RPH3AL: variants seen among roughly 807,000 people sequenced by gnomAD.
RPH3AL encodes rabphilin 3A like (without C2 domains).
In RPH3AL, 38 loss-of-function variants were observed where a neutral mutation model predicts 43.1. The observed-to-expected ratio is 0.88, with a 90% CI of 0.68 to 1.15. RPH3AL has a LOEUF of 1.15. RPH3AL is among the 50% of genes most tolerant of loss of function. The pLI is 0.00. For missense variants in RPH3AL, 462 were observed against 423.2 expected, an observed-to-expected ratio of 1.09 and a Z score of -0.81; for synonymous variants, 189 against 176.3, an observed-to-expected ratio of 1.07 and a Z score of -0.57.
At chr17:257,158 A>ACG (rs2042069533) in intron 6 of RPH3AL, among the ~76,000 whole-genome samples, 1 of 73,626 alleles carries the variant, frequency 1.4e-5, no homozygotes, top group Admixed American at 1.4e-4. Flanking sequence ...GTCCCTAGGA[A>ACG]TGTGACTACC....
chr17:316,327 T>G (rs376497757), intron 5 of RPH3AL, among the ~76,000 whole-genome samples: 88 of 112,596 alleles, frequency 7.8e-4, no homozygotes, highest in African/African-American at 2.8e-3. Context: ...GTCCCTGTGC[T>G]CCACCTCCAC....
At chr17:232,048 G>T (rs1597892152) in intron 7 of RPH3AL, among the ~76,000 whole-genome samples, 1 of 152,248 alleles carries the variant, frequency 6.6e-6, no homozygotes, top group Non-Finnish European at 1.5e-5. Context: ...CTGAGCTTGT[G>T]TCTGGCTTAA....
In RPH3AL at chr17:215,675, G is replaced by A. The variant is rs182695940; in HGVS notation, c.855C>T (p.Pro285=). 4.7e-4 allele frequency: 594 copies of A among 1,276,586 alleles called. 1 individual carries two copies. The African/African-American group carries it at 5.8e-3, about 13-fold the overall frequency. The allele number at this position is 1,276,586 out of a possible 1,614,324, so 79.1% of individuals were successfully genotyped here. ...GSADPPGGPR[P]GLTRRAPVKD... is the part of the protein sequence containing the mutation. ...TCACCGGGGCCCTTCGGGTCAGCCCGGGGCGGGGTCCCCCTGGCGGGTCAG... is the reference window on the plus strand; with the variant it reads ...TCACCGGGGCCCTTCGGGTCAGCCCAGGGCGGGGTCCCCCTGGCGGGTCAG... Residue 285 remains proline (P), a synonymous_variant, in exon 9 of 10, where the codon CCC becomes CCT. Coordinates refer to ENST00000331302, the MANE Select transcript of RPH3AL (RefSeq NM_006987.4). The surrounding 1 kb of genome is among the most constrained non-coding windows in gnomAD (Gnocchi z 4.1).
chr17:235,269 C>T (rs140666809), intron 7 of RPH3AL, among the ~76,000 whole-genome samples: 1,809 of 137,002 alleles, frequency 0.013, 41 homozygotes, highest in Middle Eastern at 0.043. Context: ...AAGCTGGGGT[C>T]GGCCGAGGCT....
chr17:317,754 G>A (rs1007613697), intron 5 of RPH3AL, among the ~76,000 whole-genome samples: 21 of 152,216 alleles, frequency 1.4e-4, no homozygotes, highest in Non-Finnish European at 2.8e-4. Flanking sequence ...TAATTGGGCA[G>A]GTTAACTTCA....
In RPH3AL at chr17:321,419, G is replaced by C. The variant is rs780576107; in HGVS notation, c.78-4C>G. ...CACGGACCAGCCCGTCTGCAGCCTC[G>C]AGAGGGAACAGCACAGACGGCGTGG... On this transcript the variant is annotated splice_polypyrimidine_tract_variant and splice_region_variant and intron_variant, in intron 3 of 9. Coordinates refer to ENST00000331302, the MANE Select transcript of RPH3AL (RefSeq NM_006987.4). 6.2e-7 allele frequency: 1 copy of C among 1,603,458 alleles called. No homozygotes were observed. The highest frequency in any genetic ancestry group is 1.1e-5 in the South Asian group (1 of 90,604).
In RPH3AL at chr17:235,981, T is replaced by C. The variant is rs113193320; in HGVS notation, c.613+11130A>G. Among the ~76,000 whole-genome samples the C allele has an allele frequency of 1.4e-3, 135 of 97,070 alleles. 3 individuals are homozygous for C. Among genetic ancestry groups the C allele is most frequent in the Middle Eastern group, 6.0e-3 (1 of 166 alleles). The allele number at this position is 97,070 out of a possible 152,430, so 63.7% of individuals were successfully genotyped here. On this transcript the variant is annotated intron_variant, in intron 7 of 9. Coordinates refer to ENST00000331302, the MANE Select transcript of RPH3AL (RefSeq NM_006987.4). ...TCAAAGCTGGGGTCGGCCAAGGCTC[T>C]ACACTAACAAGACGGGTCCATGGGT...
rs557050978 is a variant in RPH3AL, at chr17:277,424, A to T, written c.438+4344T>A. On this transcript the variant is annotated intron_variant, in intron 6 of 9. Coordinates refer to ENST00000331302, the MANE Select transcript of RPH3AL (RefSeq NM_006987.4). ...ATTAATTTTATAATCAGAAAAGAGT[A>T]AAATGTAGAGAGTAGATGTTAAAAA... Among the ~76,000 whole-genome samples, 11 of 152,360 alleles carry T rather than the reference A, an allele frequency of 7.2e-5. No individual in the cohort carries two copies. In the South Asian group the frequency reaches 2.3e-3, roughly 32 times the overall value.
At position 273,191 on chromosome 17, in the gene RPH3AL, A is replaced by T. The variant is rs139708759; in HGVS notation, c.438+8577T>A. Among the ~76,000 whole-genome samples the T allele has an allele frequency of 2.6e-3, 55 of 21,322 alleles. 8 individuals carry two copies. The highest frequency in any genetic ancestry group is 0.024 in the East Asian group (4 of 168). The allele number at this position is 21,322 out of a possible 152,430, so 14.0% of individuals were successfully genotyped here. A position where few individuals can be genotyped will look rare whatever the true frequency, so the allele number is the denominator to read the frequency against. The stretch of plus-strand genomic sequence containing the variant: ...GACCCCAGCGCGGGTGACGTCAGGG[A>T]GAGACCCCAGCGAGGGTGACGTCAG... On this transcript the variant is annotated intron_variant, in intron 6 of 9. Coordinates refer to ENST00000331302, the MANE Select transcript of RPH3AL (RefSeq NM_006987.4).
Position 215,385 on chromosome 17 carries a change from C to T in RPH3AL, c.876+269G>A, listed in dbSNP as rs1024505449. ...AATGAAAGTTCGCCCCAGGGGAGCC[C>T]GACACGTTTTATGTAGCAGAGGATG... On this transcript the variant is annotated intron_variant, in intron 9 of 9. Transcript: ENST00000331302. The surrounding 1 kb of genome is among the most constrained non-coding windows in gnomAD (Gnocchi z 4.1). Among the ~76,000 whole-genome samples the T allele has an allele frequency of 2.6e-5, 4 of 152,144 alleles. No homozygotes were observed. Among genetic ancestry groups the T allele is most frequent in the African/African-American group, 9.7e-5 (4 of 41,430 alleles).
At chr17:266,603 T>G (rs1343573727) in intron 6 of RPH3AL, among the ~76,000 whole-genome samples, 1 of 152,218 alleles carries the variant, frequency 6.6e-6, no homozygotes, top group Non-Finnish European at 1.5e-5. Flanking sequence ...AGAGCACAGC[T>G]TTCTCCAGAG....
chr17:268,659 C>T (rs890071683), intron 6 of RPH3AL, among the ~76,000 whole-genome samples: 11 of 137,108 alleles, frequency 8.0e-5, no homozygotes, highest in African/African-American at 1.3e-4. Flanking sequence ...CTCCCAGGTT[C>T]AAGCAATCCT....
Position 342,467 on chromosome 17 carries a change from A to G in RPH3AL, c.-212-8533T>C, listed in dbSNP as rs114945159. Reference sequence around the variant, plus strand: ...GGGGAAACAACTCAAATGTCCATCAACTGGGAAAAGGACAAACAAAATATG... The same window carrying G: ...GGGGAAACAACTCAAATGTCCATCAGCTGGGAAAAGGACAAACAAAATATG... On this transcript the variant is annotated intron_variant, in intron 1 of 9. Coordinates refer to ENST00000331302, the MANE Select transcript of RPH3AL (RefSeq NM_006987.4). 2.6e-5 allele frequency among the ~76,000 whole-genome samples: 4 copies of G among 152,262 alleles called. No homozygotes were observed. In the South Asian group the frequency reaches 6.2e-4, roughly 24 times the overall value.
At chr17:348,483 G>A (rs9899018) in intron 1 of RPH3AL, among the ~76,000 whole-genome samples, 12,422 of 151,572 alleles carry the variant, frequency 0.082, 578 homozygotes, top group South Asian at 0.16. Flanking sequence ...GAGGTTAGAC[G>A]GGAACTCTGT....
intron 6 of RPH3AL, among the ~76,000 whole-genome samples, chr17:259,040 C>A (rs1299118214): frequency 2.6e-5 from 4 of 152,188 alleles, no homozygotes; most frequent in African/African-American, 9.6e-5. Context: ...CGTGCCTCCC[C>A]GGGGCTCTGT....
At chr17:335,547 C>T (rs12453909) in intron 1 of RPH3AL, among the ~76,000 whole-genome samples, 28 of 152,064 alleles carry the variant, frequency 1.8e-4, no homozygotes, top group African/African-American at 6.5e-4. Flanking sequence ...TGAGCCCCCA[C>T]GTTTGGACAG....
chr17:343,749 A>G (rs1413446407), intron 1 of RPH3AL, among the ~76,000 whole-genome samples: 1 of 152,222 alleles, frequency 6.6e-6, no homozygotes, highest in East Asian at 1.9e-4. Flanking sequence ...GGTAGAGGCC[A>G]GGAATGCTGC....
intron 7 of RPH3AL, among the ~76,000 whole-genome samples, chr17:240,492 G>A (rs1157680234): frequency 6.6e-6 from 1 of 152,084 alleles, no homozygotes; most frequent in Non-Finnish European, 1.5e-5. Flanking sequence ...CCCATCTACT[G>A]TCTGCCTCTG....
In RPH3AL at chr17:213,857, C is replaced by T. The variant is rs867104080; in HGVS notation, c.943G>A (p.Gly315Ser). ...AAPAGPSSCL[G>S] ...TGTTCCAGGCACCAGACACCTCAGC[C>T]CAGGCAGCTGGAGGGGCCTGCTGGA... Residue 315 changes from glycine (G) to serine (S), a missense_variant, in exon 10 of 10, where the codon GGC (glycine) becomes AGC (serine). Physicochemically the swap from Gly to Ser is moderately conservative, Grantham distance 56 (BLOSUM62 0). Coordinates refer to ENST00000331302, the MANE Select transcript of RPH3AL (RefSeq NM_006987.4). 6.2e-7 allele frequency: 1 copy of T among 1,613,334 alleles called. No individual in the cohort carries two copies. The highest frequency in any genetic ancestry group is 8.5e-7 in the Non-Finnish European group (1 of 1,179,782).
Sources: gnomAD v4.1 joint callset for allele counts (sites outside exome capture counted in the v4.1 genomes callset) on GRCh38, gnomAD v4.1.1 for gene constraint, Gnocchi (gnomAD v3.1) non-coding constraint, MANE v1.5 for transcripts, NCBI Gene and HGNC (gene_info 2026-07-23, HGNC 2026-07-21) for gene names.